TET3: variants seen among roughly 807,000 people sequenced by gnomAD.
The protein encoded by TET3 is methylcytosine dioxygenase TET3.
Under a neutral mutation model 141.4 loss-of-function variants are expected in TET3, and 19 were observed. That is an observed-to-expected ratio of 0.13 (90% confidence interval 0.09 to 0.20). The LOEUF (loss-of-function observed/expected upper bound fraction) is 0.20, where lower values mean the gene tolerates loss of function less well. TET3 is among the 10% of genes least tolerant of loss of function. The pLI is 1.00. For synonymous variants in TET3, 1,043 were observed against 980.9 expected (o/e 1.06, Z -1.18); for missense variants, 1,874 against 2,356.9 (o/e 0.80, Z 4.24).
intron 3 of TET3, among the ~76,000 whole-genome samples, chr2:74,029,224 C>G (rs1049814184): frequency 6.6e-6 from 1 of 152,188 alleles, no homozygotes; most frequent in Admixed American, 6.5e-5. Flanking sequence ...CTGTTGTTAT[C>G]AAGGTTGCTT....
At chr2:74,115,630 A>C in the TET3 span, among the ~76,000 whole-genome samples, 1 of 152,270 alleles carries the variant, frequency 6.6e-6, no homozygotes, top group Admixed American at 6.5e-5. Context: ...TAGTTGAGAG[A>C]AAAATTTAAT....
intron 4 of TET3, among the ~76,000 whole-genome samples, chr2:74,049,769 G>T (rs1029446634): frequency 6.6e-6 from 1 of 152,110 alleles, no homozygotes; most frequent in Non-Finnish European, 1.5e-5. Flanking sequence ...CCCGATCCTG[G>T]GGTACGAGGC....
At chr2:74,038,349 C>T (rs1045255031) in intron 3 of TET3, among the ~76,000 whole-genome samples, 3 of 152,190 alleles carry the variant, frequency 2.0e-5, no homozygotes, top group African/African-American at 7.2e-5. Flanking sequence ...CCTGCTGCCC[C>T]TAGGTGATGG....
chr2:74,032,719 G>A (rs186833492), intron 3 of TET3, among the ~76,000 whole-genome samples: 6 of 152,116 alleles, frequency 3.9e-5, no homozygotes, highest in Admixed American at 6.5e-5. Context: ...GCTCTGGGCC[G>A]CAGATCAAGA....
intron 3 of TET3, among the ~76,000 whole-genome samples, chr2:74,029,178 G>A (rs4364046): frequency 0.37 from 56,084 of 152,038 alleles, 12,288 homozygotes; most frequent in African/African-American, 0.61. Flanking sequence ...ATAAGATGAA[G>A]CCCTTGTACT....
At chr2:74,126,759 T>A in the TET3 span, among the ~76,000 whole-genome samples, 1 of 152,128 alleles carries the variant, frequency 6.6e-6, no homozygotes, top group African/African-American at 2.4e-5. Context: ...TGCCTCGGCC[T>A]CCCAAAGTGC....
intron 3 of TET3, among the ~76,000 whole-genome samples, chr2:74,029,278 T>C (rs1686543825): frequency 6.6e-6 from 1 of 152,216 alleles, no homozygotes; most frequent in South Asian, 2.1e-4. Flanking sequence ...ATTCAGCCTT[T>C]AGTGCCAAGT....
the TET3 span, among the ~76,000 whole-genome samples, chr2:74,117,437 G>C: frequency 6.6e-6 from 1 of 151,776 alleles, no homozygotes; most frequent in Non-Finnish European, 1.5e-5. Flanking sequence ...GCAGTGGTGC[G>C]ATCTTGACTC....
At chr2:74,128,140 T>A in the TET3 span, among the ~76,000 whole-genome samples, 3 of 152,342 alleles carry the variant, frequency 2.0e-5, no homozygotes, top group Admixed American at 2.0e-4. Context: ...ACCCATCCTT[T>A]TTGTGCAAAG....
chr2:74,031,720 C>T (rs954542958), intron 3 of TET3, among the ~76,000 whole-genome samples: 1 of 152,130 alleles, frequency 6.6e-6, no homozygotes, highest in Non-Finnish European at 1.5e-5. Flanking sequence ...TAATTTTCCT[C>T]TAGATTTTTG....
In TET3 at chr2:74,105,331, C is replaced by G. The variant is rs1691435070; in HGVS notation, c.*3155C>G. The G allele has an allele frequency of 5.0e-6, 2 of 398,464 alleles. No individual in the cohort carries two copies. Among genetic ancestry groups the G allele is most frequent in the Non-Finnish European group, 4.4e-6 (1 of 226,084 alleles). 24.7% of individuals were successfully genotyped at this position (398,464 alleles called of 1,614,324 possible). ...CCTTTTCTGCTCTGTTTTGTTTTCC[C>G]TGCCTGTTGCGTGCAAGGGAAGTGC... On this transcript the variant is annotated 3_prime_UTR_variant, in exon 12 of 12. Transcript: ENST00000409262.
At chr2:74,080,366 CTCTT>C in intron 5 of TET3, 128 bp from the exon 6 acceptor site, 1 of 744,350 alleles carries the variant, frequency 1.3e-6, no homozygotes, top group Non-Finnish European at 2.2e-6. Flanking sequence ...TTAAACCTTT[CTCTT>C]TCTTCTCTGT....
chr2:74,004,993 C>G (rs1685077319), intron 3 of TET3, among the ~76,000 whole-genome samples: 1 of 152,294 alleles, frequency 6.6e-6, no homozygotes, highest in East Asian at 1.9e-4. Flanking sequence ...TCCTCTGTAT[C>G]TCCAGCCTTG....
At chr2:74,062,550 TTA>T (rs1688652753) in intron 4 of TET3, among the ~76,000 whole-genome samples, 1 of 152,072 alleles carries the variant, frequency 6.6e-6, no homozygotes, top group African/African-American at 2.4e-5. Flanking sequence ...GTGGGAGAAA[TTA>T]TAGAGGTGCT....
the TET3 span, among the ~76,000 whole-genome samples, chr2:74,125,677 AAATT>A: frequency 6.6e-6 from 1 of 151,372 alleles, no homozygotes; most frequent in Non-Finnish European, 1.5e-5. Context: ...TACCTGCCAT[AAATT>A]AAAGTATGCT....
intron 3 of TET3, among the ~76,000 whole-genome samples, chr2:74,033,939 C>T (rs1224340367): frequency 1.3e-5 from 2 of 151,932 alleles, no homozygotes; most frequent in African/African-American, 4.8e-5. Context: ...CTACTAAAAA[C>T]ACAAAAATTA....
At position 74,100,888 on chromosome 2, in the gene TET3, A is replaced by T. The variant is rs993728201; in HGVS notation, c.4100A>T (p.Tyr1367Phe). 1 of 1,610,438 alleles carries T rather than the reference A, an allele frequency of 6.2e-7. No homozygotes were observed. The highest frequency in any genetic ancestry group is 8.5e-7 in the Non-Finnish European group (1 of 1,178,468). Reference protein sequence around the residue: ...QQPAYPGPKEYLLPKAPLLHS... With the variant: ...QQPAYPGPKEFLLPKAPLLHS... ...CCTGCGTACCCAGGCCCCAAGGAGT[A>T]TCTGCTTCCCAAGGCCCCCCTACTC... The change falls in exon 12 of 12, where the codon TAT becomes TTT. Residue 1367 changes from tyrosine (Y) to phenylalanine (F), a missense_variant. By Grantham distance (22) the Tyr-to-Phe change is conservative (BLOSUM62 3). Around this residue, in one of 10 missense-constraint regions of TET3, gnomAD observed 602 missense variants for 590.2 expected, o/e 1.02. Coordinates refer to ENST00000409262, the MANE Select transcript of TET3 (RefSeq NM_001287491.2).
At chr2:74,031,732 G>T (rs1686701614) in intron 3 of TET3, among the ~76,000 whole-genome samples, 1 of 152,152 alleles carries the variant, frequency 6.6e-6, no homozygotes, top group South Asian at 2.1e-4. Context: ...AGATTTTTGG[G>T]TGGTCACTTA....
chr2:74,018,951 A>G (rs1446991125), intron 3 of TET3, among the ~76,000 whole-genome samples: 3 of 152,316 alleles, frequency 2.0e-5, no homozygotes, highest in Non-Finnish European at 2.9e-5. Flanking sequence ...TTGTGTGTTC[A>G]TCAAAGTTTT....
Sources: allele counts gnomAD v4.1 joint callset (sites outside exome capture counted in the v4.1 genomes callset), GRCh38; gene constraint gnomAD v4.1.1; regional missense constraint gnomAD v4.1.1; transcripts MANE v1.5; gene names NCBI Gene and HGNC (gene_info 2026-07-23, HGNC 2026-07-21).